The following TPRG1 variants were observed in gnomAD, a reference collection of about 807,000 sequenced individuals.
The protein encoded by TPRG1 is tumor protein p63-regulated gene 1 protein.
A neutral mutation model predicts 29.3 loss-of-function variants in TPRG1; 29 were observed. The observed-to-expected ratio is 0.99, with a 90% CI of 0.74 to 1.35. The LOEUF (loss-of-function observed/expected upper bound fraction) is 1.35. TPRG1 is among the 40% of genes most tolerant of loss of function. The pLI, the probability that TPRG1 is intolerant of heterozygous loss-of-function variation, is 0.00. For synonymous variants in TPRG1, 130 were observed against 116.8 expected, an observed-to-expected ratio of 1.11 and a Z score of -0.73; for missense variants, 327 against 335.0, an observed-to-expected ratio of 0.98 and a Z score of 0.19.
chr3:189,321,692 A>G lies in TPRG1; in HGVS notation c.*872A>G, dbSNP rs1724331258. The G allele has an allele frequency of 6.6e-6, 1 of 152,112 alleles. No individual in the cohort carries two copies. The highest frequency in any genetic ancestry group is 2.4e-5 in the African/African-American group (1 of 41,448). 9.4% of individuals were successfully genotyped at this position (152,112 alleles called of 1,614,324 possible). On this transcript the variant is annotated 3_prime_UTR_variant, in exon 6 of 6. Coordinates refer to ENST00000345063, the MANE Select transcript of TPRG1 (RefSeq NM_198485.4). ...CTATCCTACACTTGGTTTCTAGCTC[A>G]TTTACTTATACCATCTTTTGTTCAA...
At chr3:189,204,037 CAAAAAAAAA>C (rs35367828) in intron 1 of TPRG1, among the ~76,000 whole-genome samples, 4,211 of 87,962 alleles carry the variant, frequency 0.048, 90 homozygotes, top group Non-Finnish European at 0.07. Flanking sequence ...GAGACTGTCT[CAAAAAAAAA>C]AAAAAAAAAA....
chr3:189,001,663 C>T, intron 2 of TPRG1, among the ~76,000 whole-genome samples: 1 of 152,126 alleles, frequency 6.6e-6, no homozygotes, highest in East Asian at 1.9e-4. Flanking sequence ...AACATTCAGA[C>T]CAGTGCAGCT....
upstream of TPRG1, among the ~76,000 whole-genome samples, chr3:189,170,031 A>C (rs915761894): frequency 2.0e-5 from 3 of 152,188 alleles, no homozygotes; most frequent in Non-Finnish European, 4.4e-5. Flanking sequence ...CGTGTGAACA[A>C]TTGATGTCTT....
At chr3:189,214,654 C>T (rs1735759569) in intron 2 of TPRG1, among the ~76,000 whole-genome samples, 3 of 152,188 alleles carry the variant, frequency 2.0e-5, no homozygotes, top group Admixed American at 2.0e-4. Context: ...GAATAAAAAA[C>T]TCTGGGTAGA....
chr3:189,018,845 G>T (rs1185661342), intron 3 of TPRG1, among the ~76,000 whole-genome samples: 7 of 148,106 alleles, frequency 4.7e-5, no homozygotes, highest in Non-Finnish European at 1.1e-4. Context: ...TCATGATATT[G>T]ATTCTTCCTA....
chr3:189,086,047 G>A (rs1334859458), intron 4 of TPRG1, among the ~76,000 whole-genome samples: 1 of 152,158 alleles, frequency 6.6e-6, no homozygotes, highest in Non-Finnish European at 1.5e-5. Flanking sequence ...AACGAAGTCA[G>A]TCTGAGTCCC....
intron 4 of TPRG1, among the ~76,000 whole-genome samples, chr3:189,267,113 G>A: frequency 6.6e-6 from 1 of 152,176 alleles, no homozygotes; most frequent in Admixed American, 6.5e-5. Context: ...TGTACCCTAT[G>A]TTTAGATGTA....
At chr3:189,292,221 G>A (rs1305961438) in intron 4 of TPRG1, among the ~76,000 whole-genome samples, 3 of 149,828 alleles carry the variant, frequency 2.0e-5, no homozygotes, top group African/African-American at 7.4e-5. Context: ...TGCAGTTGCA[G>A]AATTTACACA....
chr3:189,219,453 A>G (rs960777708), intron 3 of TPRG1: 4 of 494,726 alleles, frequency 8.1e-6, no homozygotes, highest in East Asian at 7.7e-5. Flanking sequence ...ATATACATCT[A>G]TAAAGACAGG....
At chr3:189,158,702 T>C (rs1208252314) in intron 5 of TPRG1, among the ~76,000 whole-genome samples, 1 of 152,172 alleles carries the variant, frequency 6.6e-6, no homozygotes, top group Non-Finnish European at 1.5e-5. Context: ...AGCCTTTCCA[T>C]GACTGTGGAG....
At chr3:189,137,721 C>G (rs550220885) in intron 3 of TPRG1, among the ~76,000 whole-genome samples, 16 of 152,272 alleles carry the variant, frequency 1.1e-4, no homozygotes, top group Non-Finnish European at 1.9e-4. Flanking sequence ...TTCCGCATGT[C>G]TACAACACTT....
intron 4 of TPRG1, among the ~76,000 whole-genome samples, chr3:189,265,071 A>T (rs149813694): frequency 1.7e-3 from 255 of 152,358 alleles, no homozygotes; most frequent in African/African-American, 5.8e-3. Flanking sequence ...ATGAATCTAG[A>T]AAGAAGCCAT....
intron 4 of TPRG1, among the ~76,000 whole-genome samples, chr3:189,281,940 G>T (rs1717209843): frequency 6.6e-6 from 1 of 151,954 alleles, no homozygotes; most frequent in Non-Finnish European, 1.5e-5. Context: ...GAGTGCAGTG[G>T]CATGATCTCA....
chr3:189,005,384 A>G (rs1035911468), intron 3 of TPRG1, among the ~76,000 whole-genome samples: 14 of 152,120 alleles, frequency 9.2e-5, no homozygotes, highest in African/African-American at 3.1e-4. Flanking sequence ...TGAATGAGCT[A>G]TCTCCACATC....
At chr3:189,089,984 A>C (rs957238262) in intron 4 of TPRG1, among the ~76,000 whole-genome samples, 3 of 152,046 alleles carry the variant, frequency 2.0e-5, no homozygotes, top group Non-Finnish European at 4.4e-5. Context: ...GATTAATCCT[A>C]AAATCTATTA....
intron 4 of TPRG1, among the ~76,000 whole-genome samples, chr3:189,029,963 C>A (rs777005806): frequency 4.6e-5 from 7 of 152,212 alleles, no homozygotes; most frequent in Non-Finnish European, 8.8e-5. Flanking sequence ...GTACAGCCTG[C>A]AGAACTGTGA....
chr3:189,283,741 C>T (rs760177385), intron 4 of TPRG1, among the ~76,000 whole-genome samples: 8 of 152,046 alleles, frequency 5.3e-5, no homozygotes, highest in Non-Finnish European at 7.4e-5. Flanking sequence ...TTAATCTTTA[C>T]GATAATCCGG....
chr3:189,060,228 G>A (rs1053974878), intron 4 of TPRG1, among the ~76,000 whole-genome samples: 9 of 152,032 alleles, frequency 5.9e-5, no homozygotes, highest in African/African-American at 1.7e-4. Context: ...GCGAAAATCC[G>A]TCTCAAAAAC....
At chr3:189,146,959 C>T (rs76543661) in intron 3 of TPRG1, among the ~76,000 whole-genome samples, 8,364 of 152,262 alleles carry the variant, frequency 0.055, 332 homozygotes, top group Middle Eastern at 0.13. Context: ...AACACTTTTC[C>T]TGCCTTATCA....
Sources: allele counts gnomAD v4.1 joint callset (sites outside exome capture counted in the v4.1 genomes callset), GRCh38; gene constraint gnomAD v4.1.1; transcripts MANE v1.5; gene names NCBI Gene and HGNC (gene_info 2026-07-23, HGNC 2026-07-21).